YES1: variants seen among roughly 807,000 people sequenced by gnomAD.
The protein encoded by YES1 is tyrosine-protein kinase Yes.
In YES1, 39 loss-of-function variants were observed where a neutral mutation model predicts 70.4. The observed-to-expected ratio is 0.55, with a 90% CI of 0.43 to 0.72. The LOEUF is 0.72. YES1 is among the 30% of genes least tolerant of loss of function. The pLI is 0.00. For missense variants in YES1, 495 were observed against 644.8 expected, an observed-to-expected ratio of 0.77 and a Z score of 2.52; for synonymous variants, 198 against 218.6, an observed-to-expected ratio of 0.91 and a Z score of 0.83.
intron 1 of YES1, among the ~76,000 whole-genome samples, chr18:772,966 T>G (rs753906166): frequency 7.2e-5 from 11 of 152,240 alleles, no homozygotes; most frequent in Non-Finnish European, 2.9e-5. Context: ...ACTAACCTGC[T>G]GACCAGTTAT....
intron 4 of YES1, among the ~76,000 whole-genome samples, chr18:746,257 C>A (rs2080280056): frequency 6.6e-6 from 1 of 152,032 alleles, no homozygotes; most frequent in African/African-American, 2.4e-5. Context: ...TACAGTATTT[C>A]TATATATTAA....
At chr18:774,069 G>A (rs1054446541) in intron 1 of YES1, among the ~76,000 whole-genome samples, 5 of 152,152 alleles carry the variant, frequency 3.3e-5, no homozygotes, top group African/African-American at 1.2e-4. Context: ...CTGACCTTGT[G>A]ATCCACCCGC....
At chr18:758,110 A>G (rs921016929) in intron 1 of YES1, among the ~76,000 whole-genome samples, 5 of 152,224 alleles carry the variant, frequency 3.3e-5, no homozygotes, top group Non-Finnish European at 7.3e-5. Context: ...TATTAAAAAA[A>G]TACAAAGAAA....
intron 8 of YES1, among the ~76,000 whole-genome samples, chr18:740,432 T>C (rs969391833): frequency 2.0e-5 from 3 of 152,176 alleles, no homozygotes; most frequent in South Asian, 2.1e-4. Context: ...CAGAGGAAGG[T>C]TGAGGAATGG....
intron 1 of YES1, among the ~76,000 whole-genome samples, chr18:794,229 A>C (rs1462035714): frequency 6.6e-6 from 1 of 152,226 alleles, no homozygotes; most frequent in Non-Finnish European, 1.5e-5. Context: ...TACTCTGAAG[A>C]ACATAATAGC....
intron 1 of YES1, among the ~76,000 whole-genome samples, chr18:765,248 CTATATATATATATA>C (rs71174288): frequency 0.018 from 1,692 of 91,488 alleles, 35 homozygotes; most frequent in African/African-American, 0.033. Flanking sequence ...AGAGTTACAA[CTATATATATATATA>C]TATATATATA....
At chr18:744,218 T>C (rs1024785775) in intron 6 of YES1, among the ~76,000 whole-genome samples, 7 of 151,866 alleles carry the variant, frequency 4.6e-5, no homozygotes, top group African/African-American at 1.4e-4. Context: ...ATGGTAGAGA[T>C]GGGATTCAAA....
At chr18:783,358 G>A (rs530329535) in intron 1 of YES1, among the ~76,000 whole-genome samples, 2 of 151,666 alleles carry the variant, frequency 1.3e-5, no homozygotes, top group Non-Finnish European at 2.9e-5. Context: ...GTTCCAAACT[G>A]AACAGAAAAC....
intron 1 of YES1, among the ~76,000 whole-genome samples, chr18:793,261 A>G (rs1355555111): frequency 2.6e-5 from 4 of 151,984 alleles, no homozygotes; most frequent in Non-Finnish European, 4.4e-5. Flanking sequence ...GGATGGTCTC[A>G]AACTCCAGAC....
intron 1 of YES1, among the ~76,000 whole-genome samples, chr18:794,503 A>C (rs1906435288): frequency 6.6e-6 from 1 of 152,184 alleles, no homozygotes. Flanking sequence ...AAATATATGA[A>C]CTACTGTATT....
chr18:756,738 G>A lies in YES1; in HGVS notation c.90C>T (p.Ser30=). Residue 30 remains serine (S), a synonymous_variant, in exon 2 of 12, where the codon AGC becomes AGT. Transcript: ENST00000314574. The stretch of plus-strand genomic sequence containing the variant: ...CTGTAGTGGGTTCTGCTCCATAATG[G>A]CTCACACTTGTACTGACAGGCTCTG... ...NTPEPVSTSV[S]HYGAEPTTVS... 6.2e-7 allele frequency: 1 copy of A among 1,614,122 alleles called. No individual in the cohort carries two copies. Among genetic ancestry groups the A allele is most frequent in the Non-Finnish European group, 8.5e-7 (1 of 1,180,028 alleles).
chr18:738,719 A>G (rs542656088), intron 9 of YES1: 16 of 151,258 alleles, frequency 1.1e-4, no homozygotes, highest in Non-Finnish European at 2.4e-4. Context: ...AAAATTCAGC[A>G]TACACTTTAG....
At chr18:740,043 T>C (rs1456880600) in intron 8 of YES1, among the ~76,000 whole-genome samples, 1 of 152,216 alleles carries the variant, frequency 6.6e-6, no homozygotes, top group Non-Finnish European at 1.5e-5. Flanking sequence ...GCATTAACTT[T>C]ACCTGACAAG....
At chr18:765,808 A>AT (rs1466426514) in intron 1 of YES1, among the ~76,000 whole-genome samples, 5 of 152,192 alleles carry the variant, frequency 3.3e-5, no homozygotes, top group East Asian at 1.9e-4. Context: ...ACTTAAAATG[A>AT]TTTTTTTAAA....
intron 1 of YES1, among the ~76,000 whole-genome samples, chr18:803,642 C>T (rs1003455798): frequency 6.6e-6 from 1 of 152,110 alleles, no homozygotes; most frequent in Non-Finnish European, 1.5e-5. Flanking sequence ...ATAGCAATGC[C>T]TTATTGGGAG....
At chr18:798,636 T>C (rs1906661892) in intron 1 of YES1, among the ~76,000 whole-genome samples, 1 of 152,160 alleles carries the variant, frequency 6.6e-6, no homozygotes, top group Non-Finnish European at 1.5e-5. Flanking sequence ...CTGTTCTCAA[T>C]CACTAGAAGT....
At chr18:763,702 T>TAAA (rs1339325846) in intron 1 of YES1, among the ~76,000 whole-genome samples, 1 of 52,874 alleles carries the variant, frequency 1.9e-5, no homozygotes, top group Non-Finnish European at 3.5e-5. Flanking sequence ...GATCCTGTCT[T>TAAA]CAAAAAAAAA....
intron 10 of YES1, among the ~76,000 whole-genome samples, chr18:733,909 A>G (rs2080121132): frequency 6.6e-6 from 1 of 151,918 alleles, no homozygotes; most frequent in Admixed American, 6.6e-5. Context: ...ATAGTGTTTT[A>G]AAACAGAGTT....
chr18:755,053 C>T (rs906780936), intron 2 of YES1, among the ~76,000 whole-genome samples: 1 of 152,168 alleles, frequency 6.6e-6, no homozygotes, highest in Non-Finnish European at 1.5e-5. Flanking sequence ...AATATTCAAC[C>T]ATTTTAGATT....
Sources: gnomAD v4.1 joint callset for allele counts (sites outside exome capture counted in the v4.1 genomes callset) on GRCh38, gnomAD v4.1.1 for gene constraint, MANE v1.5 for transcripts, NCBI Gene and HGNC (gene_info 2026-07-23, HGNC 2026-07-21) for gene names.